The following SULF2 variants were observed in gnomAD, a reference collection of about 807,000 sequenced individuals.
SULF2 encodes the protein sulfatase 2.
A neutral mutation model predicts 107.7 loss-of-function variants in SULF2; 52 were observed. The ratio of observed to expected loss-of-function variants is 0.48; its 90% CI spans 0.39 to 0.61. The LOEUF is 0.61. SULF2 is among the 20% of genes least tolerant of loss of function. The pLI is 0.00. For missense variants in SULF2, 993 were observed against 1,177.3 expected, an observed-to-expected ratio of 0.84 and a Z score of 2.29; for synonymous variants, 460 against 464.3, an observed-to-expected ratio of 0.99 and a Z score of 0.12.
intron 10 of SULF2, among the ~76,000 whole-genome samples, chr20:47,673,363 C>G (rs763465382): frequency 1.3e-5 from 2 of 152,172 alleles, no homozygotes; most frequent in Non-Finnish European, 2.9e-5. Flanking sequence ...CGCTACCCTA[C>G]GAGGCAGGTG....
rs75493040 is a variant in SULF2, at chr20:47,677,255, A to G, written c.1194-121T>C. 53 of 1,082,330 alleles carry G rather than the reference A, an allele frequency of 4.9e-5. No individual in the cohort carries two copies. The East Asian group carries it at 6.8e-4, about 14-fold the overall frequency. The allele number at this position is 1,082,330 out of a possible 1,614,324, so 67.0% of individuals were successfully genotyped here. ...TGGTTTACGGTCAGCCTGGACAGCA[A>G]TTGTGGTGAGTGTGCCCAGCTGGGC... On this transcript the variant is annotated intron_variant, in intron 8 of 20. Coordinates refer to ENST00000688720, the MANE Select transcript of SULF2 (RefSeq NM_001387048.1).
intron 1 of SULF2, among the ~76,000 whole-genome samples, chr20:47,767,866 G>A (rs988851279): frequency 2.0e-5 from 3 of 150,306 alleles, no homozygotes; most frequent in Admixed American, 6.6e-5. Context: ...CTGAGATCAC[G>A]CCACTGCACT....
chr20:47,770,730 G>C (rs1170768131), intron 1 of SULF2, among the ~76,000 whole-genome samples: 4 of 152,218 alleles, frequency 2.6e-5, no homozygotes, highest in Non-Finnish European at 4.4e-5. Context: ...GCCTTGGCTT[G>C]TCTGGCAGTT....
chr20:47,663,424 C>A, intron 16 of SULF2, 29 bp downstream of exon 16: 1 of 1,604,402 alleles, frequency 6.2e-7, no homozygotes. Context: ...GGGCCTCAGC[C>A]TGTCCACCCC....
At chr20:47,769,851 G>T (rs1341860752) in intron 1 of SULF2, among the ~76,000 whole-genome samples, 1 of 152,060 alleles carries the variant, frequency 6.6e-6, no homozygotes, top group Non-Finnish European at 1.5e-5. Flanking sequence ...ATGACAGTTG[G>T]GTGGATCCCT....
chr20:47,781,680 C>T (rs768440080), intron 1 of SULF2, among the ~76,000 whole-genome samples: 1 of 152,124 alleles, frequency 6.6e-6, no homozygotes, highest in Non-Finnish European at 1.5e-5. Flanking sequence ...AAGCACTTGA[C>T]ATTGATCATC....
chr20:47,780,895 A>C (rs75363031), intron 1 of SULF2, among the ~76,000 whole-genome samples: 2,252 of 152,338 alleles, frequency 0.015, 19 homozygotes, highest in Non-Finnish European at 0.024. Context: ...TGCATTAGGC[A>C]GGAAGACAAA....
chr20:47,770,596 T>C (rs2090611769), intron 1 of SULF2, among the ~76,000 whole-genome samples: 1 of 152,204 alleles, frequency 6.6e-6, no homozygotes, highest in African/African-American at 2.4e-5. Flanking sequence ...CAAAACTTAG[T>C]GGTGAATTAA....
At position 47,722,115 on chromosome 20, in the gene SULF2, C is replaced by T. The variant is rs2089312547; in HGVS notation, c.415+14588G>A. 2.0e-5 allele frequency among the ~76,000 whole-genome samples: 3 copies of T among 152,182 alleles called. 1 individual carries two copies. The highest frequency in any genetic ancestry group is 2.1e-4 in the South Asian group (1 of 4,830). On this transcript the variant is annotated intron_variant, in intron 3 of 20. Transcript: ENST00000688720. ...AAGCAGAAAGACAGGGTTCTGACAG[C>T]GTTTGAGCACTGGGACCTGGCAAAG...
intron 5 of SULF2, 76 bp from the exon 6 acceptor site, chr20:47,684,657 C>T (rs758055623): frequency 7.7e-5 from 115 of 1,501,978 alleles, no homozygotes; most frequent in Non-Finnish European, 8.9e-5. Context: ...CAGACCCGCC[C>T]GGATGAGCAG....
At chr20:47,780,147 G>C (rs2090802572) in intron 1 of SULF2, among the ~76,000 whole-genome samples, 1 of 150,740 alleles carries the variant, frequency 6.6e-6, no homozygotes, top group Non-Finnish European at 1.5e-5. Flanking sequence ...CTCCCAAATA[G>C]CTGGGACTAC....
chr20:47,720,975 T>G (rs1381312185), intron 3 of SULF2, among the ~76,000 whole-genome samples: 1 of 152,172 alleles, frequency 6.6e-6, no homozygotes, highest in African/African-American at 2.4e-5. Flanking sequence ...AAGTCTTTGT[T>G]TTTTTGGCAG....
chr20:47,752,171 T>G (rs1263018101), intron 2 of SULF2, among the ~76,000 whole-genome samples: 1 of 152,210 alleles, frequency 6.6e-6, no homozygotes, highest in East Asian at 1.9e-4. Flanking sequence ...CACTGTGGCA[T>G]TGGCCCAGGG....
chr20:47,766,871 T>C (rs1046093919), intron 1 of SULF2, among the ~76,000 whole-genome samples: 1 of 151,832 alleles, frequency 6.6e-6, no homozygotes, highest in Non-Finnish European at 1.5e-5. Flanking sequence ...AGTGGGTAGA[T>C]GTTTGACAGG....
intron 1 of SULF2, among the ~76,000 whole-genome samples, chr20:47,772,095 A>G (rs2090641869): frequency 6.6e-6 from 1 of 152,264 alleles, no homozygotes; most frequent in Non-Finnish European, 1.5e-5. Flanking sequence ...AAAGTCTGGT[A>G]TAAGTAGAAT....
chr20:47,659,659 G>T (rs756822514), intron 19 of SULF2, 38 bp downstream of exon 19: 4 of 1,581,454 alleles, frequency 2.5e-6, no homozygotes, highest in East Asian at 4.5e-5. Context: ...GCCAAGATAG[G>T]AGAACTTTGT....
chr20:47,710,775 G>C (rs2088900000), intron 3 of SULF2, among the ~76,000 whole-genome samples: 1 of 152,064 alleles, frequency 6.6e-6, no homozygotes, highest in African/African-American at 2.4e-5. Context: ...TATCCTTCCT[G>C]CACCCTGCTT....
At chr20:47,716,154 T>C (rs1017015474) in intron 3 of SULF2, among the ~76,000 whole-genome samples, 6 of 152,248 alleles carry the variant, frequency 3.9e-5, no homozygotes, top group Non-Finnish European at 8.8e-5. Context: ...TGGTTATATC[T>C]AGTGATAGTT....
chr20:47,704,195 A>C (rs2088655522), intron 3 of SULF2, among the ~76,000 whole-genome samples: 1 of 152,224 alleles, frequency 6.6e-6, no homozygotes, highest in Admixed American at 6.5e-5. Flanking sequence ...TTCATCAGGA[A>C]GGGGATGTGC....
Sources: allele counts gnomAD v4.1 joint callset (sites outside exome capture counted in the v4.1 genomes callset), GRCh38; gene constraint gnomAD v4.1.1; transcripts MANE v1.5; gene names NCBI Gene and HGNC (gene_info 2026-07-23, HGNC 2026-07-21).